Variants in BANK1 observed in about 807,000 individuals in gnomAD.
BANK1 encodes B-cell scaffold protein with ankyrin repeats.
A neutral mutation model predicts 94.5 loss-of-function variants in BANK1; 95 were observed. The observed-to-expected ratio is 1.00, with a 90% confidence interval of 0.85 to 1.19. The LOEUF (loss-of-function observed/expected upper bound fraction) is 1.19. BANK1 is among the 50% of genes most tolerant of loss of function. The pLI is 0.00. For missense variants in BANK1, 987 were observed against 932.2 expected, an observed-to-expected ratio of 1.06 and a Z score of -0.77; for synonymous variants, 334 against 308.4, an observed-to-expected ratio of 1.08 and a Z score of -0.87.
chr4:101,954,236 T>C (rs1246166686), intron 7 of BANK1, among the ~76,000 whole-genome samples: 1 of 152,136 alleles, frequency 6.6e-6, no homozygotes, highest in Non-Finnish European at 1.5e-5. Flanking sequence ...CTTCATTTGA[T>C]TACATCTGCA....
intron 7 of BANK1, among the ~76,000 whole-genome samples, chr4:101,959,629 G>A (rs1200254347): frequency 6.6e-6 from 1 of 152,204 alleles, no homozygotes; most frequent in Non-Finnish European, 1.5e-5. Context: ...ATATTCACCT[G>A]TGTTATCTGC....
chr4:101,817,291 A>G (rs1725954363), intron 1 of BANK1, among the ~76,000 whole-genome samples: 2 of 152,220 alleles, frequency 1.3e-5, no homozygotes, highest in Non-Finnish European at 2.9e-5. Context: ...ATGCCCATCA[A>G]TGATAGACTG....
In BANK1 at chr4:101,790,949, A is replaced by T. The variant is rs1298403723; in HGVS notation, c.69A>T (p.Pro23=). The part of the protein sequence containing the change: ...PDPAPCGPAP[P]GNTKDIIMIY... ...CCGCCCCCTGCGGCCCAGCGCCCCC[A>T]GGTGGGTAGTCGCGCATTCGGAGGG... is the stretch of plus-strand genomic sequence containing the variant. Residue 23 remains proline (P), a splice_region_variant and synonymous_variant, in exon 1 of 17, where the codon CCA becomes CCT. Transcript: ENST00000322953. The T allele has an allele frequency of 2.6e-6, 4 of 1,513,878 alleles. No individual in the cohort carries two copies. The highest frequency in any genetic ancestry group is 2.8e-5 in the African/African-American group (2 of 71,350). The allele number at this position is 1,513,878 out of a possible 1,614,324, so 93.8% of individuals were successfully genotyped here.
intron 2 of BANK1, among the ~76,000 whole-genome samples, chr4:101,835,396 CT>C (rs1363916208): frequency 1.3e-5 from 2 of 152,192 alleles, no homozygotes; most frequent in South Asian, 2.1e-4. Flanking sequence ...CTGAGCTACC[CT>C]TTACCAACAG....
chr4:101,991,765 G>A (rs1053318344), intron 7 of BANK1, among the ~76,000 whole-genome samples: 1 of 152,164 alleles, frequency 6.6e-6, no homozygotes, highest in Non-Finnish European at 1.5e-5. Context: ...ACTTTTCAAA[G>A]ATGAACAGAA....
chr4:101,829,872 AG>A lies in BANK1; in HGVS notation c.136del (p.Glu46LysfsTer7), dbSNP rs1169552361. 6.3e-5 allele frequency: 102 copies of A among 1,611,528 alleles called. No individual in the cohort carries two copies. Among genetic ancestry groups the A allele is most frequent in the Non-Finnish European group, 8.7e-5 (102 of 1,178,250 alleles). ...CTGAGGAATGGGCTCTGTACTTGACAGAAGTATTTTTACATGTTGTGAAAAG... is the reference window on the plus strand; with the variant it reads ...CTGAGGAATGGGCTCTGTACTTGACAAAGTATTTTTACATGTTGTGAAAAG... ...DAEEWALYLT[E>X]VFLHVVKREA... On this transcript the variant is annotated frameshift_variant, in exon 2 of 17. Coordinates refer to ENST00000322953, the MANE Select transcript of BANK1 (RefSeq NM_017935.5). LOFTEE classifies it high-confidence loss of function.
chr4:101,917,035 T>A (rs1722850541), intron 6 of BANK1, among the ~76,000 whole-genome samples: 1 of 152,002 alleles, frequency 6.6e-6, no homozygotes, highest in Admixed American at 6.6e-5. Context: ...TGTGTGCATT[T>A]AAGAAAATAA....
At chr4:101,820,937 C>T (rs746660631) in intron 1 of BANK1, among the ~76,000 whole-genome samples, 1 of 152,002 alleles carries the variant, frequency 6.6e-6, no homozygotes, top group Non-Finnish European at 1.5e-5. Context: ...TGAACATTCA[C>T]GTGCATGTGT....
At chr4:101,929,149 A>G (rs774724870) in intron 7 of BANK1, among the ~76,000 whole-genome samples, 1 of 150,676 alleles carries the variant, frequency 6.6e-6, no homozygotes, top group Non-Finnish European at 1.5e-5. Context: ...CCTCTGAATA[A>G]AATATCACTC....
At chr4:102,043,799 G>A (rs763007456) in intron 10 of BANK1, 40 bp from the exon 11 acceptor site, 9 of 1,379,504 alleles carry the variant, frequency 6.5e-6, no homozygotes, top group South Asian at 4.0e-5. Context: ...TTTTTTGAAC[G>A]TTTATGTTCA....
chr4:101,973,967 C>T (rs904845372), intron 7 of BANK1, among the ~76,000 whole-genome samples: 4 of 151,944 alleles, frequency 2.6e-5, no homozygotes, highest in Admixed American at 6.6e-5. Context: ...AATCATTTAA[C>T]ACTGAAAGGT....
At chr4:101,808,184 A>G (rs988233071) in intron 1 of BANK1, among the ~76,000 whole-genome samples, 11 of 152,198 alleles carry the variant, frequency 7.2e-5, no homozygotes, top group African/African-American at 2.4e-5. Flanking sequence ...TTTATCTGAA[A>G]TAAACTTATT....
At chr4:102,069,005 T>C (rs979708217) in intron 13 of BANK1, among the ~76,000 whole-genome samples, 1 of 152,148 alleles carries the variant, frequency 6.6e-6, no homozygotes, top group East Asian at 1.9e-4. Flanking sequence ...TTTTAGAACT[T>C]TGTTAATATT....
chr4:102,048,994 T>G lies in BANK1; in HGVS notation c.1969+5087T>G, dbSNP rs115456124. On this transcript the variant is annotated intron_variant, in intron 11 of 16. Transcript: ENST00000322953. ...AATTTTCCCAATTTGGATTTGAAAT[T>G]AGAAAATACTAGTGCTAGAAATTAG... is the stretch of plus-strand genomic sequence containing the variant. Among the ~76,000 whole-genome samples, 490 of 152,258 alleles carry G rather than the reference T, an allele frequency of 3.2e-3. 3 individuals are homozygous for G. Among genetic ancestry groups the G allele is most frequent in the Middle Eastern group, 6.8e-3 (2 of 294 alleles).
At chr4:101,869,097 G>A (rs1261366659) in intron 4 of BANK1, among the ~76,000 whole-genome samples, 1 of 151,620 alleles carries the variant, frequency 6.6e-6, no homozygotes, top group Admixed American at 6.6e-5. Flanking sequence ...AAACTACCAA[G>A]CAAATCTCAC....
At chr4:101,985,613 T>G (rs1202374920) in intron 7 of BANK1, among the ~76,000 whole-genome samples, 1 of 152,126 alleles carries the variant, frequency 6.6e-6, no homozygotes, top group African/African-American at 2.4e-5. Flanking sequence ...TGCTGCAGTA[T>G]TCATTGACTT....
chr4:101,995,701 A>G (rs529205796), intron 7 of BANK1, among the ~76,000 whole-genome samples: 2 of 152,238 alleles, frequency 1.3e-5, no homozygotes, highest in East Asian at 3.9e-4. Flanking sequence ...ACCAGTGATG[A>G]TGAGCTTTTT....
intron 7 of BANK1, among the ~76,000 whole-genome samples, chr4:101,984,374 A>G (rs1725417666): frequency 6.6e-6 from 1 of 152,074 alleles, no homozygotes; most frequent in Non-Finnish European, 1.5e-5. Context: ...TTCTCTTTAT[A>G]GAAAAGATAG....
Position 102,030,046 on chromosome 4 carries a change from G to GA in BANK1, c.1686dup (p.Glu563ArgfsTer20). On this transcript the variant is annotated frameshift_variant, in exon 10 of 17. Coordinates refer to ENST00000322953, the MANE Select transcript of BANK1 (RefSeq NM_017935.5). LOFTEE classifies it high-confidence loss of function. ...AGAAACAGGAGATGAACCCAAAGGA[G>GA]AAAAAGAGAAGAAAGAAGAGGAAAA... 1 of 1,613,762 alleles carries GA rather than the reference G, an allele frequency of 6.2e-7. No homozygotes were observed. Among genetic ancestry groups the GA allele is most frequent in the South Asian group, 1.1e-5 (1 of 91,068 alleles).
Sources: gnomAD v4.1 joint callset for allele counts (sites outside exome capture counted in the v4.1 genomes callset) on GRCh38, gnomAD v4.1.1 for gene constraint, MANE v1.5 for transcripts, NCBI Gene and HGNC (gene_info 2026-07-23, HGNC 2026-07-21) for gene names.